The following DMRT1 variants were observed in gnomAD, a reference collection of about 807,000 sequenced individuals.
The protein encoded by DMRT1 is doublesex- and mab-3-related transcription factor 1.
DMRT1 carries 7 observed loss-of-function variants against 32.3 expected under a neutral mutation model. That is an observed-to-expected ratio of 0.22 (90% CI 0.12 to 0.41). DMRT1 has a LOEUF of 0.41. DMRT1 is among the 10% of genes least tolerant of loss of function. DMRT1 has a pLI of 1.00. For synonymous variants in DMRT1, 278 were observed against 206.1 expected, an observed-to-expected ratio of 1.35 and a Z score of -2.99; for missense variants, 625 against 500.5, an observed-to-expected ratio of 1.25 and a Z score of -2.37.
At chr9:943,160 C>A (rs1819133280) in intron 4 of DMRT1, among the ~76,000 whole-genome samples, 1 of 152,202 alleles carries the variant, frequency 6.6e-6, no homozygotes, top group African/African-American at 2.4e-5. Flanking sequence ...GAAAAGCCAA[C>A]ATAAAATTGT....
intron 3 of DMRT1, among the ~76,000 whole-genome samples, chr9:908,358 T>C (rs1489640051): frequency 6.6e-6 from 1 of 152,042 alleles, no homozygotes. Context: ...CTCAGGAGCC[T>C]GAGGTGAGAG....
In DMRT1 at chr9:905,613, C is replaced by T. The variant is rs1817746808; in HGVS notation, c.823-11150C>T. On this transcript the variant is annotated intron_variant, in intron 3 of 4. Coordinates refer to ENST00000382276, the MANE Select transcript of DMRT1 (RefSeq NM_021951.3). Reference sequence around the variant, plus strand: ...TGTTTGAGTCATTTGTTTGCAAACCCCGAAGAGGAGTCTTTCATTGCGGTG... The same window carrying T: ...TGTTTGAGTCATTTGTTTGCAAACCTCGAAGAGGAGTCTTTCATTGCGGTG... Among the ~76,000 whole-genome samples the T allele has an allele frequency of 2.6e-5, 4 of 151,930 alleles. No homozygotes were observed. In the South Asian group the frequency reaches 8.3e-4, roughly 32 times the overall value.
chr9:906,622 A>G (rs563104832), intron 3 of DMRT1, among the ~76,000 whole-genome samples: 2 of 152,136 alleles, frequency 1.3e-5, no homozygotes, highest in Non-Finnish European at 2.9e-5. Context: ...ACAGATATGG[A>G]TGCCTCTGAT....
At chr9:870,824 A>T (rs2132606559) in intron 2 of DMRT1, among the ~76,000 whole-genome samples, 1 of 145,834 alleles carries the variant, frequency 6.9e-6, no homozygotes, top group African/African-American at 2.6e-5. Flanking sequence ...TGATTCTCCA[A>T]CCTCAGCCTC....
At chr9:927,988 C>G (rs942864016) in intron 4 of DMRT1, among the ~76,000 whole-genome samples, 1 of 152,174 alleles carries the variant, frequency 6.6e-6, no homozygotes, top group African/African-American at 2.4e-5. Context: ...CTTGCCTGTC[C>G]TGTTGAGCAC....
At chr9:940,185 A>G (rs1819016464) in intron 4 of DMRT1, among the ~76,000 whole-genome samples, 1 of 152,074 alleles carries the variant, frequency 6.6e-6, no homozygotes, top group South Asian at 2.1e-4. Context: ...TAAAATTACC[A>G]TTTAATGCAG....
chr9:842,513 GGC>G, intron 1 of DMRT1: 2 of 350,182 alleles, frequency 5.7e-6, no homozygotes, highest in Non-Finnish European at 1.0e-5. Context: ...TGGGATTACA[GGC>G]GTGGGCCACC....
chr9:956,815 A>G (rs909294743), intron 4 of DMRT1, among the ~76,000 whole-genome samples: 15 of 152,132 alleles, frequency 9.9e-5, no homozygotes, highest in African/African-American at 3.6e-4. Context: ...CCCAGTACCA[A>G]CAGGCCCTTT....
intron 3 of DMRT1, among the ~76,000 whole-genome samples, chr9:903,664 C>T (rs533195395): frequency 9.2e-4 from 140 of 152,180 alleles, no homozygotes; most frequent in African/African-American, 3.1e-3. Flanking sequence ...AGGAATATCC[C>T]GTAGCTACAG....
At position 952,388 on chromosome 9, in the gene DMRT1, G is replaced by A. The variant is rs570856928; in HGVS notation, c.968-15597G>A. 2.6e-5 allele frequency among the ~76,000 whole-genome samples: 4 copies of A among 152,282 alleles called. No individual in the cohort carries two copies. The South Asian group carries it at 8.3e-4, about 32-fold the overall frequency. On this transcript the variant is annotated intron_variant, in intron 4 of 4. Coordinates refer to ENST00000382276, the MANE Select transcript of DMRT1 (RefSeq NM_021951.3). ...AAGAGGCTCTTCCAACACCTTGGAC[G>A]TGAGATAAAACATGTTCTAAAATTT...
At position 901,318 on chromosome 9, in the gene DMRT1, A is replaced by AT. The variant is rs541315194; in HGVS notation, c.822+7129dup. Among the ~76,000 whole-genome samples the AT allele has an allele frequency of 3.8e-3, 554 of 147,118 alleles. 5 individuals carry two copies. The highest frequency in any genetic ancestry group is 0.013 in the African/African-American group (504 of 39,612). ...AGGCATGAGCCACCACGCCTGACCAATTTTTTGTGTGTTTGTTTTTTATTG... is the reference window on the plus strand; with the variant it reads ...AGGCATGAGCCACCACGCCTGACCAATTTTTTTGTGTGTTTGTTTTTTATTG... On this transcript the variant is annotated intron_variant, in intron 3 of 4. Coordinates refer to ENST00000382276, the MANE Select transcript of DMRT1 (RefSeq NM_021951.3).
intron 2 of DMRT1, among the ~76,000 whole-genome samples, chr9:873,747 TG>T (rs150932812): frequency 6.6e-6 from 1 of 152,156 alleles, no homozygotes. Flanking sequence ...TTTTAATAAC[TG>T]GGGGAATGGC....
In DMRT1 at chr9:955,842, G is replaced by A. The variant is rs529903343; in HGVS notation, c.968-12143G>A. 5.3e-5 allele frequency among the ~76,000 whole-genome samples: 8 copies of A among 152,342 alleles called. No individual in the cohort carries two copies. In the East Asian group the frequency reaches 1.5e-3, roughly 29 times the overall value. On this transcript the variant is annotated intron_variant, in intron 4 of 4. Coordinates refer to ENST00000382276, the MANE Select transcript of DMRT1 (RefSeq NM_021951.3). ...GGAACTCTTGTGCATTACCAGTGGG[G>A]ATGTGAAATGATGTTGTGGAAACCC...
At chr9:870,683 G>A (rs1816204970) in intron 2 of DMRT1, among the ~76,000 whole-genome samples, 2 of 128,320 alleles carry the variant, frequency 1.6e-5, no homozygotes, top group Non-Finnish European at 3.3e-5. Flanking sequence ...TTTAAGCTTA[G>A]GTTCCCATAT....
intron 4 of DMRT1, among the ~76,000 whole-genome samples, chr9:948,326 A>T (rs1373148995): frequency 6.6e-6 from 1 of 152,110 alleles, no homozygotes; most frequent in East Asian, 1.9e-4. Context: ...AAGTTTTTAT[A>T]TTAGGAAGAT....
At chr9:925,427 G>T (rs1034852503) in intron 4 of DMRT1, among the ~76,000 whole-genome samples, 1 of 152,156 alleles carries the variant, frequency 6.6e-6, no homozygotes, top group African/African-American at 2.4e-5. Context: ...AATTATCTAT[G>T]TGTGACTGGT....
At chr9:906,035 A>T (rs1455491779) in intron 3 of DMRT1, among the ~76,000 whole-genome samples, 1 of 74,578 alleles carries the variant, frequency 1.3e-5, no homozygotes, top group Non-Finnish European at 3.9e-5. Flanking sequence ...ACACACCCAC[A>T]CACACACACA....
At position 841,745 on chromosome 9, in the gene DMRT1, C is replaced by G; in HGVS notation, c.-94C>G. The G allele has an allele frequency of 6.5e-7, 1 of 1,547,738 alleles. No individual in the cohort carries two copies. The highest frequency in any genetic ancestry group is 8.7e-7 in the Non-Finnish European group (1 of 1,147,032). On this transcript the variant is annotated 5_prime_UTR_variant, in exon 1 of 5. Coordinates refer to ENST00000382276, the MANE Select transcript of DMRT1 (RefSeq NM_021951.3). ...AGCGCACACGTCTCCTGCGCCTCCT[C>G]CTCCGGAGCGTCGCTGTCCGTCGGG...
At chr9:906,031 C>CACACACACACACACA (rs755850220) in intron 3 of DMRT1, among the ~76,000 whole-genome samples, 7 of 19,232 alleles carry the variant, frequency 3.6e-4, no homozygotes, top group African/African-American at 5.8e-4. Context: ...ACACACACAC[C>CACACACACACACACA]CACACACACA....
Sources: allele counts gnomAD v4.1 joint callset (sites outside exome capture counted in the v4.1 genomes callset), GRCh38; gene constraint gnomAD v4.1.1; transcripts MANE v1.5; gene names NCBI Gene and HGNC (gene_info 2026-07-23, HGNC 2026-07-21).